Variants in ATXN2 observed in about 807,000 individuals in gnomAD.
ATXN2 encodes the protein ataxin-2.
In ATXN2, 37 loss-of-function variants were observed where a neutral mutation model predicts 138.6. That is an observed-to-expected ratio of 0.27 (90% CI 0.21 to 0.35). ATXN2 has a LOEUF of 0.35. ATXN2 is among the 10% of genes least tolerant of loss of function. ATXN2 has a pLI of 1.00. For synonymous variants in ATXN2, 549 were observed against 543.7 expected (o/e 1.01, Z -0.13); for missense variants, 1,216 against 1,480.3 (o/e 0.82, Z 2.93).
rs1421165028 is a variant in ATXN2, at chr12:111,599,163, G to A, written c.-129C>T. The A allele has an allele frequency of 1.2e-5, 14 of 1,207,590 alleles. No individual in the cohort carries two copies. The highest frequency in any genetic ancestry group is 1.4e-5 in the Non-Finnish European group (14 of 973,316). 74.8% of individuals were successfully genotyped at this position (1,207,590 alleles called of 1,614,324 possible). On this transcript the variant is annotated 5_prime_UTR_variant, in exon 1 of 25. Transcript: ENST00000673436. Reference sequence around the variant, plus strand: ...GGGGAGGCGCGGGTTGGCGCGGCCGGAGGGGCGCCCGGGCTGGCGAGGGGG... The same window carrying A: ...GGGGAGGCGCGGGTTGGCGCGGCCGAAGGGGCGCCCGGGCTGGCGAGGGGG...
chr12:111,560,768 C>T (rs984450716), intron 1 of ATXN2, among the ~76,000 whole-genome samples: 9 of 147,840 alleles, frequency 6.1e-5, no homozygotes, highest in African/African-American at 2.3e-4. Context: ...AAAAAAAAAA[C>T]GACAAGCTAA....
chr12:111,479,222 G>T (rs1245715458), intron 18 of ATXN2: 1 of 281,432 alleles, frequency 3.6e-6, no homozygotes, highest in Non-Finnish European at 6.5e-6. Context: ...AATTAACTGT[G>T]GTATAATCAT....
rs1259620809 is a variant in ATXN2, at chr12:111,470,607, T to C, written c.2660A>G (p.Gln887Arg). The stretch of plus-strand genomic sequence containing the variant: ...CTGAACAAGGGGCTGATTTGGGAAC[T>C]GCTGAGGACTGTAGGCAACATATTG... ...STQYVAYSPQ[Q>R]FPNQPLVQHV... The change falls in exon 19 of 25, where the codon CAG (glutamine) becomes CGG (arginine). Residue 887 changes from glutamine (Q) to arginine (R), a missense_variant. Physicochemically the swap from Gln to Arg is conservative, Grantham distance 43. Coordinates refer to ENST00000673436, the MANE Select transcript of ATXN2 (RefSeq NM_001372574.1). The C allele has an allele frequency of 1.5e-5, 25 of 1,614,214 alleles. No homozygotes were observed. Among genetic ancestry groups the C allele is most frequent in the Non-Finnish European group, 2.1e-5 (25 of 1,180,038 alleles).
At chr12:111,477,068 C>T (rs1306506263) in intron 18 of ATXN2, among the ~76,000 whole-genome samples, 1 of 151,444 alleles carries the variant, frequency 6.6e-6, no homozygotes, top group Admixed American at 6.6e-5. Context: ...TATGGCTGGG[C>T]GCAGTGGCTC....
intron 17 of ATXN2, 129 bp downstream of exon 17, chr12:111,485,584 G>T: frequency 8.6e-7 from 1 of 1,161,552 alleles, no homozygotes; most frequent in Non-Finnish European, 1.2e-6. Context: ...CTGAATCTCT[G>T]CATGCCTGTC....
chr12:111,505,567 T>C (rs561981459), intron 14 of ATXN2, among the ~76,000 whole-genome samples: 2 of 152,264 alleles, frequency 1.3e-5, no homozygotes, highest in South Asian at 4.1e-4. Flanking sequence ...AGAAGATATA[T>C]AAATGGCCAA....
chr12:111,548,673 C>T (rs1881964657), intron 5 of ATXN2, among the ~76,000 whole-genome samples: 1 of 152,156 alleles, frequency 6.6e-6, no homozygotes, highest in African/African-American at 2.4e-5. Context: ...CAAATGATAA[C>T]AGCAGAGACT....
At position 111,466,201 on chromosome 12, in the gene ATXN2, T is replaced by TA. The variant is rs770117015; in HGVS notation, c.2843-1487dup. On this transcript the variant is annotated intron_variant, in intron 20 of 24. Coordinates refer to ENST00000673436, the MANE Select transcript of ATXN2 (RefSeq NM_001372574.1). ...AAAAAAATAAAAAATAAATAAAAAA[T>TA]AAAAAAAAAAAAAGAGGCTGGGCAC... is the stretch of plus-strand genomic sequence containing the variant. Among the ~76,000 whole-genome samples, 803 of 119,198 alleles carry TA rather than the reference T, an allele frequency of 6.7e-3. 2 individuals carry two copies. The highest frequency in any genetic ancestry group is 0.012 in the African/African-American group (407 of 33,712). The allele number at this position is 119,198 out of a possible 152,430, so 78.2% of individuals were successfully genotyped here.
At position 111,518,235 on chromosome 12, in the gene ATXN2, G is replaced by C; in HGVS notation, c.1165+14C>G. ...TTTATCAATGATATTGACAAGTCTGGTCAAAATACTTGCCTCCATTAACTA... is the reference window on the plus strand; with the variant it reads ...TTTATCAATGATATTGACAAGTCTGCTCAAAATACTTGCCTCCATTAACTA... On this transcript the variant is annotated intron_variant, in intron 9 of 24. Transcript: ENST00000673436. The C allele has an allele frequency of 6.4e-7, 1 of 1,558,900 alleles. No homozygotes were observed. The highest frequency in any genetic ancestry group is 1.2e-5 in the South Asian group (1 of 82,626).
intron 9 of ATXN2, among the ~76,000 whole-genome samples, chr12:111,517,944 G>A (rs950979617): frequency 3.3e-5 from 5 of 152,032 alleles, no homozygotes; most frequent in African/African-American, 1.2e-4. Flanking sequence ...CCTACCCAAA[G>A]TTTCCAATTT....
chr12:111,552,826 T>C lies in ATXN2; in HGVS notation c.420+80A>G. On this transcript the variant is annotated intron_variant, in intron 4 of 24. Transcript: ENST00000673436. This position sits in a 1 kb window ranked among gnomAD's most constrained non-coding sequence, Gnocchi z 4.1. ...AACTGAGAAGTAAAATCATTCAAAG[T>C]GGCTTTAAAAACTAGGTAAAACACT... 1.1e-6 allele frequency: 1 copy of C among 924,956 alleles called. No homozygotes were observed. Among genetic ancestry groups the C allele is most frequent in the Non-Finnish European group, 1.6e-6 (1 of 623,040 alleles). 57.3% of individuals were successfully genotyped at this position (924,956 alleles called of 1,614,324 possible). A position where few individuals can be genotyped will look rare whatever the true frequency, so the allele number is the denominator to read the frequency against.
In ATXN2 at chr12:111,456,217, T is replaced by C. The variant is rs1207815388; in HGVS notation, c.3082A>G (p.Ser1028Gly). Residue 1028 changes from serine to glycine, a missense_variant, in exon 23 of 25, where the codon AGT (serine) becomes GGT (glycine). Physicochemically the swap from Ser to Gly is moderately conservative, Grantham distance 56. This residue lies in a region of ATXN2 where 490 missense variants were observed against 653.5 expected (regional missense o/e 0.75). Transcript: ENST00000673436. Reference protein sequence around the residue: ...HQAAQALHLASPQQQSAIYHA... With the variant: ...HQAAQALHLAGPQQQSAIYHA... ...TAAATGGCTGACTGCTGCTGTGGAC[T>C]GGCCAGATGGAGAGCCTGGGCGGCC... 6.2e-7 allele frequency: 1 copy of C among 1,614,274 alleles called. No individual in the cohort carries two copies. The highest frequency in any genetic ancestry group is 1.7e-5 in the Admixed American group (1 of 60,036).
rs896624427 is a variant in ATXN2 at position 111,484,411 on chromosome 12, GTTTT to G, written c.2524+850_2524+853del. Reference sequence around the variant, plus strand: ...CCACTGTGTCCAGCCAATTAGTCTGGTTTTTTTGTTTGTTTGTTTTTTGTTTGTT... The same window carrying G: ...CCACTGTGTCCAGCCAATTAGTCTGGTTTGTTTGTTTGTTTTTTGTTTGTT... On this transcript the variant is annotated intron_variant, in intron 18 of 24. Coordinates refer to ENST00000673436, the MANE Select transcript of ATXN2 (RefSeq NM_001372574.1). 2.0e-4 allele frequency among the ~76,000 whole-genome samples: 31 copies of G among 151,694 alleles called. 1 individual carries two copies. Among genetic ancestry groups the G allele is most frequent in the Non-Finnish European group, 8.8e-5 (6 of 67,902 alleles).
chr12:111,485,779 A>C lies in ATXN2; in HGVS notation c.2391T>G (p.Val797=). Residue 797 remains valine (V), a synonymous_variant, in exon 17 of 25, where the codon GTT becomes GTG. Transcript: ENST00000673436. ...GTGCAAAACAAACAGGCTGAGTATA[A>C]ACTGGAGTTGGCTGTTGATGACCCA... ...SMVGHQQPTP[V]YTQPVCFAPN... 1 of 1,614,182 alleles carries C rather than the reference A, an allele frequency of 6.2e-7. No individual in the cohort carries two copies. Among genetic ancestry groups the C allele is most frequent in the Non-Finnish European group, 8.5e-7 (1 of 1,180,034 alleles).
Position 111,568,713 on chromosome 12 carries a change from TTA to T in ATXN2, c.252-12796_252-12795del, listed in dbSNP as rs1384746442. 2.6e-5 allele frequency among the ~76,000 whole-genome samples: 4 copies of T among 152,156 alleles called. 1 individual carries two copies. Among genetic ancestry groups the T allele is most frequent in the East Asian group, 3.8e-4 (2 of 5,196 alleles). Reference sequence around the variant, plus strand: ...CCCCTCTACAGCAGCTCCCCAACTATTATGTCTACCCGTTTTAATACTTAAGT... The same window carrying T: ...CCCCTCTACAGCAGCTCCCCAACTATTGTCTACCCGTTTTAATACTTAAGT... On this transcript the variant is annotated intron_variant, in intron 1 of 24. Transcript: ENST00000673436.
chr12:111,597,241 C>G (rs1405634450), intron 1 of ATXN2, among the ~76,000 whole-genome samples: 1 of 152,132 alleles, frequency 6.6e-6, no homozygotes, highest in Non-Finnish European at 1.5e-5. Flanking sequence ...CCAGCTGATT[C>G]CTCTTGATGG....
chr12:111,597,701 T>C (rs1435847935), intron 1 of ATXN2: 1 of 533,252 alleles, frequency 1.9e-6, no homozygotes, highest in Non-Finnish European at 3.4e-6. Context: ...CCCCAGCCCC[T>C]ACTACAACCC....
rs1874873711 is a variant in ATXN2 at position 111,453,986 on chromosome 12, A to G, written c.3271-141T>C. ...GGCCCAGTTCTGTTCTCTGGGGACA[A>G]TCTCTAGTAGATTATCTATTGACCT... On this transcript the variant is annotated intron_variant, in intron 23 of 24. Coordinates refer to ENST00000673436, the MANE Select transcript of ATXN2 (RefSeq NM_001372574.1). This position sits in a 1 kb window ranked among gnomAD's most constrained non-coding sequence, Gnocchi z 5.4. 5.1e-6 allele frequency: 4 copies of G among 785,850 alleles called. No homozygotes were observed. The highest frequency in any genetic ancestry group is 3.1e-5 in the Admixed American group (1 of 32,664). 48.7% of individuals were successfully genotyped at this position (785,850 alleles called of 1,614,324 possible).
chr12:111,544,403 T>C (rs1410722118), intron 5 of ATXN2, among the ~76,000 whole-genome samples: 2 of 152,242 alleles, frequency 1.3e-5, no homozygotes, highest in African/African-American at 4.8e-5. Context: ...CACATTTATA[T>C]TGAGCCTGTA....
Sources: allele counts gnomAD v4.1 joint callset (sites outside exome capture counted in the v4.1 genomes callset), GRCh38; gene constraint gnomAD v4.1.1; regional missense constraint gnomAD v4.1.1; non-coding constraint Gnocchi (gnomAD v3.1); transcripts MANE v1.5; gene names NCBI Gene and HGNC (gene_info 2026-07-23, HGNC 2026-07-21).